Variants in ERCC6L2 observed in about 807,000 individuals in gnomAD.
The protein encoded by ERCC6L2 is DNA excision repair protein ERCC-6-like 2.
ERCC6L2 carries 77 observed loss-of-function variants against 132.0 expected under a neutral mutation model. That is an observed-to-expected ratio of 0.58 (90% confidence interval 0.49 to 0.71). The LOEUF (loss-of-function observed/expected upper bound fraction) is 0.71, where lower values mean the gene tolerates loss of function less well. ERCC6L2 is among the 30% of genes least tolerant of loss of function. The pLI is 0.00. For missense variants in ERCC6L2, 1,542 were observed against 1,837.6 expected, an observed-to-expected ratio of 0.84 and a Z score of 2.94; for synonymous variants, 583 against 632.4, an observed-to-expected ratio of 0.92 and a Z score of 1.17.
chr9:95,915,843 CTT>C lies in ERCC6L2; in HGVS notation c.950+18_950+19del. The C allele has an allele frequency of 6.4e-7, 1 of 1,572,386 alleles. No individual in the cohort carries two copies. Among genetic ancestry groups the C allele is most frequent in the Non-Finnish European group, 8.6e-7 (1 of 1,163,174 alleles). ...TGTTATGGACTGGTGAGAGAAAACA[CTT>C]TTTAAAAAATTGTTTAATAGTTCTT... On this transcript the variant is annotated intron_variant, in intron 5 of 18. Transcript: ENST00000653738.
At chr9:95,914,852 A>G (rs1470730303) in intron 4 of ERCC6L2, among the ~76,000 whole-genome samples, 1 of 151,796 alleles carries the variant, frequency 6.6e-6, no homozygotes, top group African/African-American at 2.4e-5. Flanking sequence ...ATACGTGCCT[A>G]ATCCAGAGTC....
chr9:95,881,242 T>C lies in ERCC6L2; in HGVS notation c.420T>C (p.His140=). 1.3e-6 allele frequency: 2 copies of C among 1,587,084 alleles called. No individual in the cohort carries two copies. The highest frequency in any genetic ancestry group is 1.7e-6 in the Non-Finnish European group (2 of 1,172,906). ...GTRFLYGHYI[H]GGGCILGDDM... ...GGTTTCTTTATGGACACTACATCCA[T>C]GGAGGAGGGTGCATTCTGGGTGATG... The change falls in exon 2 of 19, where the codon CAT becomes CAC. Residue 140 remains histidine (H), a synonymous_variant. Transcript: ENST00000653738.
chr9:95,989,983 G>A (rs1200281983), intron 17 of ERCC6L2, among the ~76,000 whole-genome samples: 8 of 152,170 alleles, frequency 5.3e-5, no homozygotes, highest in Non-Finnish European at 1.2e-4. Flanking sequence ...GAGAAGACCG[G>A]ACTGACCAGG....
intron 6 of ERCC6L2, chr9:95,918,504 A>G (rs555385916): frequency 5.0e-5 from 25 of 502,340 alleles, no homozygotes; most frequent in African/African-American, 4.3e-4. Flanking sequence ...AAGTAAAGTT[A>G]CAACATACCT....
At chr9:96,040,942 G>A (rs1224083843) in intron 20 of ERCC6L2, among the ~76,000 whole-genome samples, 3 of 152,226 alleles carry the variant, frequency 2.0e-5, no homozygotes, top group Non-Finnish European at 4.4e-5. Flanking sequence ...AGTTGTTTAT[G>A]CTAATGGGCC....
At position 95,907,928 on chromosome 9, in the gene ERCC6L2, A is replaced by G. The variant is rs1389615959; in HGVS notation, c.788+657A>G. ...GGCCAAGAGGTAACACCAGTGAGAT[A>G]AGCAGGGAAAAGATTATAGAGAGTA... On this transcript the variant is annotated intron_variant, in intron 4 of 18. Coordinates refer to ENST00000653738, the MANE Select transcript of ERCC6L2 (RefSeq NM_020207.7). 2.0e-5 allele frequency among the ~76,000 whole-genome samples: 3 copies of G among 151,312 alleles called. No homozygotes were observed. In the East Asian group the frequency reaches 5.9e-4, roughly 30 times the overall value.
In ERCC6L2 at chr9:96,012,890, A is replaced by G. The variant is rs746704322; in HGVS notation, c.4340A>G (p.Asp1447Gly). ...SLLGDTSILD[D>G]LFKSHGNSPT... is the part of the protein sequence containing the mutation. ...CTTGGTGATACCTCTATTCTTGATG[A>G]CCTTTTTAAAAGTCATGGGAACAGT... is the stretch of plus-strand genomic sequence containing the variant. Residue 1447 changes from aspartate to glycine, a missense_variant, in exon 19 of 19, where the codon GAC (aspartate) becomes GGC (glycine). By Grantham distance (94) the Asp-to-Gly change is moderately conservative. Around this residue, in one of 4 missense-constraint regions of ERCC6L2, gnomAD observed 442 missense variants for 583.4 expected, o/e 0.76. Transcript: ENST00000653738. The G allele has an allele frequency of 1.5e-6, 2 of 1,367,658 alleles. No individual in the cohort carries two copies. Among genetic ancestry groups the G allele is most frequent in the South Asian group, 2.3e-5 (2 of 88,028 alleles). 84.7% of individuals were successfully genotyped at this position (1,367,658 alleles called of 1,614,324 possible).
intron 13 of ERCC6L2, among the ~76,000 whole-genome samples, chr9:95,962,253 G>C (rs545406001): frequency 2.0e-5 from 3 of 152,024 alleles, no homozygotes; most frequent in Non-Finnish European, 4.4e-5. Context: ...AGGTGTTTTG[G>C]GGGGGTTGGG....
intron 3 of ERCC6L2, among the ~76,000 whole-genome samples, chr9:95,901,921 G>T (rs966811243): frequency 6.6e-6 from 1 of 152,132 alleles, no homozygotes; most frequent in Non-Finnish European, 1.5e-5. Flanking sequence ...TTAAAACAAT[G>T]TATGTTTTAA....
At chr9:96,011,079 A>G (rs1000420258) in intron 18 of ERCC6L2, among the ~76,000 whole-genome samples, 5 of 152,150 alleles carry the variant, frequency 3.3e-5, no homozygotes, top group Admixed American at 6.5e-5. Flanking sequence ...AGCAATACCC[A>G]TTGTCTTAGT....
At chr9:96,004,855 A>C (rs998545380) in intron 18 of ERCC6L2, 154 bp downstream of exon 18, 1 of 429,502 alleles carries the variant, frequency 2.3e-6, no homozygotes, top group Non-Finnish European at 4.1e-6. Context: ...CAAATGTTTT[A>C]GATGTTGTTA....
intron 19 of ERCC6L2, among the ~76,000 whole-genome samples, chr9:96,034,125 G>C (rs985772928): frequency 1.3e-5 from 2 of 152,206 alleles, no homozygotes; most frequent in Non-Finnish European, 2.9e-5. Context: ...CATCTTCTCA[G>C]GCATGAAGGC....
At chr9:95,905,290 C>T (rs1243970848) in intron 3 of ERCC6L2, 1 of 152,196 alleles carries the variant, frequency 6.6e-6, no homozygotes, top group Non-Finnish European at 1.5e-5. Flanking sequence ...TGACATCTTT[C>T]ACTACCAAAA....
intron 16 of ERCC6L2, among the ~76,000 whole-genome samples, chr9:95,977,065 C>T (rs1229625805): frequency 6.7e-6 from 1 of 148,810 alleles, no homozygotes; most frequent in Non-Finnish European, 1.5e-5. Flanking sequence ...AAATAATCAA[C>T]TCAGTTTTTT....
chr9:95,972,047 A>G lies in ERCC6L2; in HGVS notation c.2296A>G (p.Thr766Ala). The change falls in exon 16 of 19, where the codon ACA becomes GCA. Residue 766 changes from threonine (T) to alanine (A), a missense_variant. Coordinates refer to ENST00000653738, the MANE Select transcript of ERCC6L2 (RefSeq NM_020207.7). ...DFSDEEPVGA[T>A]GIKTAKNKAP... ...CAGTGATGAAGAGCCAGTGGGAGCC[A>G]CAGGAATAAAGACTGCCAAAAACAA... 2 of 1,304,306 alleles carry G rather than the reference A, an allele frequency of 1.5e-6. No individual in the cohort carries two copies. The highest frequency in any genetic ancestry group is 2.0e-6 in the Non-Finnish European group (2 of 988,954). 80.8% of individuals were successfully genotyped at this position (1,304,306 alleles called of 1,614,324 possible).
chr9:95,964,194 C>T (rs944272120), intron 13 of ERCC6L2, among the ~76,000 whole-genome samples: 52 of 152,060 alleles, frequency 3.4e-4, no homozygotes, highest in African/African-American at 1.1e-3. Context: ...AAAGAGCTTT[C>T]CCTTCTATTT....
At chr9:95,932,818 C>A (rs12001222) in intron 11 of ERCC6L2, among the ~76,000 whole-genome samples, 1 of 152,132 alleles carries the variant, frequency 6.6e-6, no homozygotes, top group Non-Finnish European at 1.5e-5. Flanking sequence ...GAATAAACAG[C>A]CTGCATACTC....
chr9:95,955,038 G>A (rs748226570), intron 12 of ERCC6L2: 10 of 372,544 alleles, frequency 2.7e-5, no homozygotes, highest in African/African-American at 1.7e-4. Flanking sequence ...GCCTTGCCCC[G>A]GTTCCCCTCA....
chr9:96,015,333 G>C lies in ERCC6L2; in HGVS notation c.*2130G>C, dbSNP rs185533079. On this transcript the variant is annotated 3_prime_UTR_variant, in exon 19 of 19. Transcript: ENST00000653738. ...CCCGAGTAGCTGGGACTACAGGTGC[G>C]TGCCACCACGCCCAGCTAATTTTTT... Among the ~76,000 whole-genome samples, 1 of 151,540 alleles carries C rather than the reference G, an allele frequency of 6.6e-6. No individual in the cohort carries two copies. Among genetic ancestry groups the C allele is most frequent in the African/African-American group, 2.4e-5 (1 of 41,318 alleles).
Sources: allele counts gnomAD v4.1 joint callset (sites outside exome capture counted in the v4.1 genomes callset), GRCh38; gene constraint gnomAD v4.1.1; regional missense constraint gnomAD v4.1.1; transcripts MANE v1.5; gene names NCBI Gene and HGNC (gene_info 2026-07-23, HGNC 2026-07-21).